Variants in GRIP1 observed in about 807,000 individuals in gnomAD.
GRIP1 encodes the protein glutamate receptor interacting protein 1.
A neutral mutation model predicts 129.9 loss-of-function variants in GRIP1; 45 were observed. That is an observed-to-expected ratio of 0.35 (90% confidence interval 0.27 to 0.44). The LOEUF is 0.44. Ranked by LOEUF, GRIP1 falls within the 20% of genes least tolerant of loss-of-function variation. The pLI is 1.00. For synonymous variants in GRIP1, 530 were observed against 520.8 expected (o/e 1.02, Z -0.24); for missense variants, 1,196 against 1,396.8 (o/e 0.86, Z 2.29).
In GRIP1 at chr12:66,819,586, T is replaced by C. The variant is rs562363811; in HGVS notation, c.59-222659A>G. Among the ~76,000 whole-genome samples, 22 of 152,316 alleles carry C rather than the reference T, an allele frequency of 1.4e-4. No homozygotes were observed. In the South Asian group the frequency reaches 3.5e-3, roughly 24 times the overall value. On this transcript the variant is annotated intron_variant, in intron 1 of 1. Transcript: ENST00000643019. The stretch of plus-strand genomic sequence containing the variant: ...ATATGCATTGCTACATTAAACCACT[T>C]TTATAATGCCAGTACAAGGTGGGTT...
chr12:66,363,417 T>A lies in GRIP1; in HGVS notation c.3012+8277A>T, dbSNP rs569506453. 3.0e-3 allele frequency among the ~76,000 whole-genome samples: 444 copies of A among 149,070 alleles called. 2 individuals carry two copies. Among genetic ancestry groups the A allele is most frequent in the African/African-American group, 0.01 (423 of 40,572 alleles). On this transcript the variant is annotated intron_variant, in intron 23 of 24. Transcript: ENST00000359742. ...CACCACATCTGGCTTTTTTTTTTTT[T>A]TTAAATTATTTTTTGTAGACACTGG...
chr12:66,581,163 A>C (rs2063362069), intron 2 of GRIP1, among the ~76,000 whole-genome samples: 2 of 152,250 alleles, frequency 1.3e-5, no homozygotes, highest in Non-Finnish European at 2.9e-5. Flanking sequence ...TACTGGGTAC[A>C]TAACGAAATG....
chr12:66,860,576 A>G (rs1229498664), intron 1 of GRIP1, among the ~76,000 whole-genome samples: 3 of 151,938 alleles, frequency 2.0e-5, no homozygotes, highest in East Asian at 1.9e-4. Context: ...CACCGAGTGT[A>G]AGTTCCCCGG....
chr12:66,357,084 C>G (rs913839933), intron 23 of GRIP1, among the ~76,000 whole-genome samples: 5 of 152,148 alleles, frequency 3.3e-5, no homozygotes, highest in Non-Finnish European at 7.4e-5. Context: ...GCCATGTTGA[C>G]CAGGCTGGTC....
At position 66,347,949 on chromosome 12, in the gene GRIP1, C is replaced by A. The variant is rs2137040558; in HGVS notation, c.*1070G>T. 6.6e-6 allele frequency: 1 copy of A among 151,996 alleles called. No homozygotes were observed. The highest frequency in any genetic ancestry group is 2.1e-4 in the South Asian group (1 of 4,796). The allele number at this position is 151,996 out of a possible 1,614,324, so 9.4% of individuals were successfully genotyped here. A position where few individuals can be genotyped will look rare whatever the true frequency, so the allele number is the denominator to read the frequency against. On this transcript the variant is annotated 3_prime_UTR_variant, in exon 25 of 25. Coordinates refer to ENST00000359742, the MANE Select transcript of GRIP1 (RefSeq NM_001366722.1). ...AATAACAGTTATTAGTGTAGCTATT[C>A]AAAATATCTGAACAAATGAAAACAG...
chr12:66,443,176 T>C (rs1023705824), intron 13 of GRIP1, among the ~76,000 whole-genome samples: 1 of 152,232 alleles, frequency 6.6e-6, no homozygotes, highest in African/African-American at 2.4e-5. Context: ...AACCAAACTT[T>C]AGTTTGGCTC....
chr12:67,016,990 C>A (rs2042798085), intron 1 of GRIP1, among the ~76,000 whole-genome samples: 1 of 152,162 alleles, frequency 6.6e-6, no homozygotes, highest in Non-Finnish European at 1.5e-5. Flanking sequence ...AACATCAGTG[C>A]TGGTGCTTCT....
At chr12:66,984,646 T>C (rs995013089) in intron 1 of GRIP1, among the ~76,000 whole-genome samples, 5 of 152,086 alleles carry the variant, frequency 3.3e-5, no homozygotes, top group Non-Finnish European at 5.9e-5. Flanking sequence ...GCTGTGTAGA[T>C]AGTCTCACTC....
intron 1 of GRIP1, among the ~76,000 whole-genome samples, chr12:66,975,219 C>A (rs535728027): frequency 1.3e-5 from 2 of 152,252 alleles, no homozygotes; most frequent in Non-Finnish European, 2.9e-5. Flanking sequence ...TCTTGCCAAG[C>A]CTGGCACCAG....
chr12:66,958,423 T>C (rs1276794118), intron 1 of GRIP1, among the ~76,000 whole-genome samples: 2 of 152,140 alleles, frequency 1.3e-5, no homozygotes, highest in East Asian at 1.9e-4. Context: ...TGGGCCACCA[T>C]ACCCAGCATT....
intron 2 of GRIP1, among the ~76,000 whole-genome samples, chr12:66,553,623 C>A (rs2062217318): frequency 6.6e-6 from 1 of 151,544 alleles, no homozygotes; most frequent in Non-Finnish European, 1.5e-5. Context: ...GATCACAGTA[C>A]CTGGTTTTAA....
Position 66,959,998 on chromosome 12 carries a change from T to G in GRIP1, c.58+109052A>C, listed in dbSNP as rs140794101. ...CGGAGGGTGATTGGGAGGAGGTAAC[T>G]GGGAATATTCTAGTCATGTGCAGAG... On this transcript the variant is annotated intron_variant, in intron 1 of 1. Coordinates refer to the GRIP1 transcript ENST00000643019. Among the ~76,000 whole-genome samples, 8 of 152,216 alleles carry G rather than the reference T, an allele frequency of 5.3e-5. No homozygotes were observed. In the East Asian group the frequency reaches 9.7e-4, roughly 18 times the overall value.
At chr12:66,485,283 T>A (rs1490260929) in intron 7 of GRIP1, among the ~76,000 whole-genome samples, 7 of 152,270 alleles carry the variant, frequency 4.6e-5, no homozygotes, top group Non-Finnish European at 1.0e-4. Flanking sequence ...ATGACTAACG[T>A]AGTAGAGCAA....
chr12:67,022,667 C>G (rs1411558022), intron 1 of GRIP1, among the ~76,000 whole-genome samples: 2 of 152,128 alleles, frequency 1.3e-5, no homozygotes, highest in East Asian at 3.9e-4. Flanking sequence ...TGAGTTTAAC[C>G]TGCATTTCCC....
intron 1 of GRIP1, among the ~76,000 whole-genome samples, chr12:66,803,230 T>C (rs2038908231): frequency 6.6e-6 from 1 of 152,168 alleles, no homozygotes; most frequent in Non-Finnish European, 1.5e-5. Context: ...GACAAATAAA[T>C]AATTTTTAGC....
At chr12:66,614,534 G>C (rs2064954307) in intron 1 of GRIP1, among the ~76,000 whole-genome samples, 1 of 151,884 alleles carries the variant, frequency 6.6e-6, no homozygotes, top group African/African-American at 2.4e-5. Context: ...TTACCACCCT[G>C]GTCGATGCCA....
At chr12:66,682,392 G>A (rs926280064), upstream of GRIP1, among the ~76,000 whole-genome samples, 4 of 152,052 alleles carry the variant, frequency 2.6e-5, no homozygotes, top group Non-Finnish European at 4.4e-5. Flanking sequence ...ATCCTGACTG[G>A]CCTGTGTCAT....
intron 1 of GRIP1, among the ~76,000 whole-genome samples, chr12:66,641,192 C>A (rs1022149208): frequency 2.0e-5 from 3 of 152,106 alleles, no homozygotes; most frequent in Non-Finnish European, 4.4e-5. Context: ...ATGGTAGTAA[C>A]TGAGACACTG....
At chr12:66,809,311 CA>C (rs2039058078) in intron 1 of GRIP1, among the ~76,000 whole-genome samples, 1 of 152,140 alleles carries the variant, frequency 6.6e-6, no homozygotes, top group African/African-American at 2.4e-5. Flanking sequence ...CCCTTCAATG[CA>C]TAATTAAATT....
Sources: gnomAD v4.1 joint callset for allele counts (sites outside exome capture counted in the v4.1 genomes callset) on GRCh38, gnomAD v4.1.1 for gene constraint, MANE v1.5 for transcripts, NCBI Gene and HGNC (gene_info 2026-07-23, HGNC 2026-07-21) for gene names.